NIPBL: variants seen among roughly 807,000 people sequenced by gnomAD.
NIPBL encodes the protein nipped-B-like protein.
Under a neutral mutation model 321.8 loss-of-function variants are expected in NIPBL, and 19 were observed. That is an observed-to-expected ratio of 0.06 (90% CI 0.04 to 0.09). The LOEUF (loss-of-function observed/expected upper bound fraction) is 0.09. NIPBL is among the 10% of genes least tolerant of loss of function. The pLI is 1.00. For synonymous variants in NIPBL, 1,106 were observed against 1,114.1 expected, an observed-to-expected ratio of 0.99 and a Z score of 0.14; for missense variants, 2,210 against 3,327.0, an observed-to-expected ratio of 0.66 and a Z score of 8.26.
At position 37,024,782 on chromosome 5, in the gene NIPBL, C is replaced by G. The variant is rs963284082; in HGVS notation, c.5709+63C>G. ...TTTAAAATAAGTTAAATGTTTATTG[C>G]ACCTAAATGTTGATTTTAAATATAT... On this transcript the variant is annotated intron_variant, in intron 30 of 46. Transcript: ENST00000282516. 5.4e-6 allele frequency: 7 copies of G among 1,293,022 alleles called. No individual in the cohort carries two copies. In the East Asian group the frequency reaches 1.7e-4, roughly 32 times the overall value. The allele number at this position is 1,293,022 out of a possible 1,614,324, so 80.1% of individuals were successfully genotyped here. A position where few individuals can be genotyped will look rare whatever the true frequency, so the allele number is the denominator to read the frequency against.
At chr5:36,877,915 G>A (rs899982030) in intron 1 of NIPBL, among the ~76,000 whole-genome samples, 12 of 152,196 alleles carry the variant, frequency 7.9e-5, no homozygotes, top group Non-Finnish European at 1.2e-4. Context: ...TTTTGACAGT[G>A]TGTTGTTGCA....
chr5:37,007,456 A>G lies in NIPBL; in HGVS notation c.4221A>G (p.Thr1407=). The G allele has an allele frequency of 6.2e-7, 1 of 1,611,100 alleles. No individual in the cohort carries two copies. Among genetic ancestry groups the G allele is most frequent in the Non-Finnish European group, 8.5e-7 (1 of 1,177,984 alleles). ...LSELLEIQLL[T]DTTILQVSSM... is the part of the protein sequence containing the mutation. The stretch of plus-strand genomic sequence containing the variant: ...AATTGCTAGAGATACAACTTCTTAC[A>G]GACACAACAATTCTTCAGGTAAGAT... The change falls in exon 18 of 47, where the codon ACA becomes ACG. Residue 1407 remains threonine, a synonymous_variant. Coordinates refer to ENST00000282516, the MANE Select transcript of NIPBL (RefSeq NM_133433.4).
At chr5:36,950,754 C>T (rs1360389012) in intron 1 of NIPBL, among the ~76,000 whole-genome samples, 2 of 152,018 alleles carry the variant, frequency 1.3e-5, no homozygotes, top group East Asian at 3.9e-4. Context: ...TTTCACAGAG[C>T]CAAGCAGTCC....
intron 32 of NIPBL, among the ~76,000 whole-genome samples, 189 bp downstream of exon 32, chr5:37,027,601 TG>T (rs1229418515): frequency 7.4e-6 from 1 of 135,766 alleles, no homozygotes; most frequent in Non-Finnish European, 1.6e-5. Context: ...TGCCTGGTTG[TG>T]GTTTTTTTTT....
Position 37,000,938 on chromosome 5 carries a change from A to G in NIPBL, c.3574+50A>G, listed in dbSNP as rs1746724091. 3 of 1,583,482 alleles carry G rather than the reference A, an allele frequency of 1.9e-6. No homozygotes were observed. In the African/African-American group the frequency reaches 4.0e-5, roughly 21 times the overall value. ...GTCTTTATTCATATTCTTCAGCTTC[A>G]CATGTCTACTTGTAATGTGAGAATA... On this transcript the variant is annotated intron_variant, in intron 13 of 46. Transcript: ENST00000282516.
chr5:36,970,957 C>T lies in NIPBL; in HGVS notation c.692C>T (p.Ser231Leu). 6.2e-7 allele frequency: 1 copy of T among 1,613,506 alleles called. No homozygotes were observed. The highest frequency in any genetic ancestry group is 1.3e-5 in the African/African-American group (1 of 75,010). Residue 231 changes from serine (S) to leucine (L), a missense_variant, in exon 7 of 47, where the codon TCA becomes TTA. By Grantham distance (145) the Ser-to-Leu change is moderately radical. This residue lies in a region of NIPBL where 464 missense variants were observed against 529.5 expected (regional missense o/e 0.88). Coordinates refer to ENST00000282516, the MANE Select transcript of NIPBL (RefSeq NM_133433.4). ...NKVSGPLSGN[S>L]ANHHADNPRH... ...GTTTCTGGTCCGTTGTCTGGCAATT[C>T]AGCTAATCATCATGCTGATAATCCT... is the stretch of plus-strand genomic sequence containing the variant.
At chr5:37,040,790 G>C (rs1752251138) in intron 34 of NIPBL, among the ~76,000 whole-genome samples, 1 of 152,150 alleles carries the variant, frequency 6.6e-6, no homozygotes, top group Non-Finnish European at 1.5e-5. Flanking sequence ...TTTTGCAGTG[G>C]ATGTGTTTTA....
intron 45 of NIPBL, among the ~76,000 whole-genome samples, chr5:37,061,823 T>TTG (rs1321208651): frequency 5.3e-5 from 8 of 152,280 alleles, no homozygotes; most frequent in African/African-American, 1.9e-4. Flanking sequence ...TTTTTTTAAG[T>TTG]TGTATTTTTT....
At chr5:37,027,613 T>G (rs2149706434) in intron 32 of NIPBL, among the ~76,000 whole-genome samples, 1 of 139,740 alleles carries the variant, frequency 7.2e-6, no homozygotes, top group East Asian at 2.0e-4. Context: ...GTTTTTTTTT[T>G]TTTTTTTTTT....
intron 1 of NIPBL, among the ~76,000 whole-genome samples, chr5:36,908,251 T>G (rs1747791214): frequency 6.6e-6 from 1 of 152,216 alleles, no homozygotes; most frequent in South Asian, 2.1e-4. Context: ...AGTGCTTTAG[T>G]GTTTGCTTAA....
intron 1 of NIPBL, among the ~76,000 whole-genome samples, chr5:36,884,020 T>A (rs1186857886): frequency 6.6e-6 from 1 of 152,138 alleles, no homozygotes; most frequent in African/African-American, 2.4e-5. Flanking sequence ...AACTACTGAT[T>A]CTTTCCCCTT....
chr5:36,908,415 T>C (rs1329445395), intron 1 of NIPBL, among the ~76,000 whole-genome samples: 1 of 147,916 alleles, frequency 6.8e-6, no homozygotes. Flanking sequence ...CAAATTCCTA[T>C]AGAATTTTCC....
intron 1 of NIPBL, among the ~76,000 whole-genome samples, chr5:36,907,857 A>C (rs186279273): frequency 1.4e-4 from 22 of 152,334 alleles, no homozygotes; most frequent in Admixed American, 1.4e-3. Context: ...ACAAAGAATA[A>C]TTCACACAAG....
At chr5:37,057,121 AAG>A in intron 42 of NIPBL, 63 bp from the exon 43 acceptor site, 9 of 1,577,122 alleles carry the variant, frequency 5.7e-6, no homozygotes, top group Non-Finnish European at 7.8e-6. Context: ...TTTTCTAAAA[AAG>A]GTTTTTTGGT....
At chr5:37,059,396 A>G (rs1024294354) in intron 44 of NIPBL, among the ~76,000 whole-genome samples, 4 of 152,126 alleles carry the variant, frequency 2.6e-5, no homozygotes, top group Non-Finnish European at 5.9e-5. Context: ...GACCCCAGCT[A>G]CTCAGGAGAC....
At chr5:36,905,796 T>C (rs1747587416) in intron 1 of NIPBL, among the ~76,000 whole-genome samples, 1 of 152,010 alleles carries the variant, frequency 6.6e-6, no homozygotes, top group African/African-American at 2.4e-5. Flanking sequence ...CAGGCTGGAG[T>C]GCAGTGGTGC....
intron 1 of NIPBL, among the ~76,000 whole-genome samples, chr5:36,939,254 C>T (rs558323508): frequency 1.7e-4 from 26 of 152,242 alleles, no homozygotes; most frequent in African/African-American, 6.0e-4. Flanking sequence ...CCATCTGCCT[C>T]GGCCTCCTGA....
intron 29 of NIPBL, among the ~76,000 whole-genome samples, chr5:37,024,322 G>A (rs1750013168): frequency 1.3e-5 from 2 of 152,006 alleles, no homozygotes; most frequent in Admixed American, 1.3e-4. Flanking sequence ...ATTTAATTTT[G>A]ACAAGCGTAT....
At chr5:37,059,793 T>A (rs1754472996) in intron 44 of NIPBL, among the ~76,000 whole-genome samples, 1 of 152,312 alleles carries the variant, frequency 6.6e-6, no homozygotes, top group Middle Eastern at 3.4e-3. Context: ...AAGTAACAGA[T>A]GTAAACCAAC....
Sources: allele counts gnomAD v4.1 joint callset (sites outside exome capture counted in the v4.1 genomes callset), GRCh38; gene constraint gnomAD v4.1.1; regional missense constraint gnomAD v4.1.1; transcripts MANE v1.5; gene names NCBI Gene and HGNC (gene_info 2026-07-23, HGNC 2026-07-21).